Variants in PCCB observed in about 807,000 individuals in gnomAD.
The protein encoded by PCCB is propionyl-CoA carboxylase beta chain, mitochondrial.
PCCB carries 43 observed loss-of-function variants against 60.7 expected under a neutral mutation model. That is an observed-to-expected ratio of 0.71 (90% CI 0.55 to 0.91). The LOEUF is 0.91. PCCB is among the 40% of genes least tolerant of loss of function. The probability of loss-of-function intolerance (pLI) is 0.00; values close to 1 mark genes in which losing one functional copy is unlikely to be tolerated. For missense variants in PCCB, 766 were observed against 702.8 expected (o/e 1.09, Z -1.02); for synonymous variants, 276 against 255.9 (o/e 1.08, Z -0.75).
intron 5 of PCCB, among the ~76,000 whole-genome samples, chr3:136,271,104 C>T (rs973371885): frequency 6.6e-6 from 1 of 152,082 alleles, no homozygotes; most frequent in South Asian, 2.1e-4. Context: ...ACTTCTTTTG[C>T]TGTGCAGAAG....
chr3:136,300,806 C>T (rs185030675), intron 8 of PCCB, among the ~76,000 whole-genome samples: 1 of 152,202 alleles, frequency 6.6e-6, no homozygotes, highest in East Asian at 1.9e-4. Context: ...ATTTTTTCCT[C>T]TAAAAGAGAA....
rs752703797 is a variant in PCCB, at chr3:136,301,128, T to C, written c.966+17T>C. On this transcript the variant is annotated intron_variant, in intron 9 of 14. Coordinates refer to ENST00000251654, the MANE Select transcript of PCCB (RefSeq NM_000532.5). ...ATACACTCTGTAAGTGCCACATCTGTTTGTCTTGCCTGTCCTAGTCAGCCA... is the reference window on the plus strand; with the variant it reads ...ATACACTCTGTAAGTGCCACATCTGCTTGTCTTGCCTGTCCTAGTCAGCCA... The C allele has an allele frequency of 9.4e-6, 15 of 1,600,168 alleles. No individual in the cohort carries two copies. The African/African-American group carries it at 1.9e-4, about 20-fold the overall frequency.
chr3:136,256,354 C>T (rs1321673982), intron 2 of PCCB: 6 of 617,922 alleles, frequency 9.7e-6, no homozygotes, highest in Non-Finnish European at 1.7e-5. Context: ...CAGTGCCATT[C>T]ACTCCTATTG....
At chr3:136,283,754 A>T in intron 5 of PCCB, 83 bp from the exon 6 acceptor site, 2 of 979,122 alleles carry the variant, frequency 2.0e-6, no homozygotes, top group South Asian at 2.6e-5. Flanking sequence ...GCCAAATGTT[A>T]TCTTATTGTT....
chr3:136,273,305 T>C (rs745829945), intron 5 of PCCB, among the ~76,000 whole-genome samples: 2 of 152,184 alleles, frequency 1.3e-5, no homozygotes, highest in African/African-American at 2.4e-5. Flanking sequence ...TTTGGTAGAA[T>C]GTTCTGTAAA....
At chr3:136,294,991 CA>C (rs1933868898) in intron 7 of PCCB, among the ~76,000 whole-genome samples, 1 of 152,120 alleles carries the variant, frequency 6.6e-6, no homozygotes, top group Non-Finnish European at 1.5e-5. Context: ...AGCACTGAAA[CA>C]AAAAGTTCTT....
chr3:136,323,642 G>A (rs773863150), intron 10 of PCCB, among the ~76,000 whole-genome samples: 6 of 151,962 alleles, frequency 3.9e-5, no homozygotes, highest in Non-Finnish European at 5.9e-5. Context: ...AAAATGAGCC[G>A]GACGTGGCAG....
chr3:136,328,999 A>G (rs1935437235), intron 14 of PCCB, 142 bp downstream of exon 14: 1 of 729,734 alleles, frequency 1.4e-6, no homozygotes, highest in South Asian at 1.5e-5. Flanking sequence ...GTCCCTGGGC[A>G]GTCATCACTT....
chr3:136,263,254 GTTT>G (rs137942280), intron 5 of PCCB, among the ~76,000 whole-genome samples: 1 of 125,940 alleles, frequency 7.9e-6, no homozygotes, highest in African/African-American at 3.0e-5. Flanking sequence ...CGCCCAGCTG[GTTT>G]TTTTTTTTTT....
intron 10 of PCCB, among the ~76,000 whole-genome samples, chr3:136,319,732 G>A (rs1279086): frequency 0.36 from 54,767 of 152,072 alleles, 12,240 homozygotes; most frequent in East Asian, 0.81. Flanking sequence ...TCTGATTTCT[G>A]TATTTTTTCT....
intron 10 of PCCB, among the ~76,000 whole-genome samples, chr3:136,321,115 T>A (rs1935093258): frequency 6.6e-6 from 1 of 152,214 alleles, no homozygotes; most frequent in Non-Finnish European, 1.5e-5. Context: ...CATGGTGTAT[T>A]ATGTTGATTT....
chr3:136,273,018 C>G (rs1436787942), intron 5 of PCCB, among the ~76,000 whole-genome samples: 1 of 152,118 alleles, frequency 6.6e-6, no homozygotes, highest in Non-Finnish European at 1.5e-5. Flanking sequence ...ATAACTGTGT[C>G]ACTACTATCA....
intron 5 of PCCB, among the ~76,000 whole-genome samples, chr3:136,276,614 A>G (rs1480061776): frequency 6.6e-6 from 1 of 152,068 alleles, no homozygotes; most frequent in Non-Finnish European, 1.5e-5. Flanking sequence ...TCCTGTGGAG[A>G]TGCAGTCACT....
intron 12 of PCCB, 31 bp from the exon 13 acceptor site, chr3:136,327,603 C>T (rs1173731111): frequency 6.6e-7 from 1 of 1,514,436 alleles, no homozygotes; most frequent in Non-Finnish European, 9.2e-7. Context: ...CTGTCTCAGG[C>T]TCTAACACTC....
rs1374395631 is a variant in PCCB, at chr3:136,329,924, C to G, written c.1518C>G (p.Ile506Met). 7.4e-6 allele frequency: 12 copies of G among 1,614,052 alleles called. No homozygotes were observed. The highest frequency in any genetic ancestry group is 1.1e-5 in the South Asian group (1 of 91,090). ...AAVRGFVDDI[I>M]QPSSTRARIC... is the part of the protein sequence containing the mutation. ...CACCAGGGTTTGTGGATGACATCAT[C>G]CAACCTTCTTCCACACGTGCCCGAA... Residue 506 changes from isoleucine (I) to methionine (M), a missense_variant, in exon 15 of 15, where the codon ATC becomes ATG. Physicochemically the swap from Ile to Met is conservative, Grantham distance 10. Coordinates refer to ENST00000251654, the MANE Select transcript of PCCB (RefSeq NM_000532.5).
chr3:136,254,806 C>T (rs1048560799), intron 1 of PCCB, among the ~76,000 whole-genome samples: 1 of 151,938 alleles, frequency 6.6e-6, no homozygotes, highest in African/African-American at 2.4e-5. Context: ...GCTGGGATTA[C>T]AGGTGTGAGC....
At chr3:136,256,403 G>C (rs1941671275) in intron 2 of PCCB, 152 bp from the exon 3 acceptor site, 7 of 687,542 alleles carry the variant, frequency 1.0e-5, no homozygotes, top group Non-Finnish European at 1.9e-5. Context: ...GTAGAGCTGG[G>C]AAAGTGGGGT....
chr3:136,322,133 T>C (rs1410218033), intron 10 of PCCB, among the ~76,000 whole-genome samples: 1 of 152,220 alleles, frequency 6.6e-6, no homozygotes, highest in Non-Finnish European at 1.5e-5. Flanking sequence ...GTTGAAGAAA[T>C]TCCCCTCTAT....
intron 7 of PCCB, among the ~76,000 whole-genome samples, chr3:136,296,725 T>A (rs1470831278): frequency 6.6e-6 from 1 of 152,218 alleles, no homozygotes; most frequent in African/African-American, 2.4e-5. Flanking sequence ...AAGAATTCTG[T>A]CATGCTGAAA....
Sources: gnomAD v4.1 joint callset for allele counts (sites outside exome capture counted in the v4.1 genomes callset) on GRCh38, gnomAD v4.1.1 for gene constraint, MANE v1.5 for transcripts, NCBI Gene and HGNC (gene_info 2026-07-23, HGNC 2026-07-21) for gene names.